Variants in SLC44A5 observed in about 807,000 individuals in gnomAD.
SLC44A5 encodes the protein choline transporter-like protein 5.
SLC44A5 carries 57 observed loss-of-function variants against 101.8 expected under a neutral mutation model. The ratio of observed to expected loss-of-function variants is 0.56; its 90% CI spans 0.45 to 0.70. SLC44A5 has a LOEUF of 0.70. Ranked by LOEUF, SLC44A5 falls within the 30% of genes least tolerant of loss-of-function variation. SLC44A5 has a pLI of 0.00. For synonymous variants in SLC44A5, 281 were observed against 290.9 expected (o/e 0.97, Z 0.35); for missense variants, 737 against 853.1 (o/e 0.86, Z 1.70).
intron 1 of SLC44A5, among the ~76,000 whole-genome samples, chr1:75,606,162 T>C (rs889624969): frequency 3.3e-5 from 5 of 151,970 alleles, no homozygotes; most frequent in African/African-American, 1.2e-4. Context: ...ACTGCCACAG[T>C]CAGCAACAAG....
At chr1:75,395,005 G>A (rs1347301393) in intron 3 of SLC44A5, among the ~76,000 whole-genome samples, 1 of 152,048 alleles carries the variant, frequency 6.6e-6, no homozygotes, top group East Asian at 1.9e-4. Context: ...AAATGGCATA[G>A]TACAATATCC....
intron 1 of SLC44A5, among the ~76,000 whole-genome samples, chr1:75,574,864 A>G (rs1673276299): frequency 6.6e-6 from 1 of 152,188 alleles, no homozygotes. Context: ...TTAAGAACTA[A>G]CAGGAGTAAA....
rs757727108 is a variant in SLC44A5 at position 75,213,989 on chromosome 1, T to C, written c.1803A>G (p.Lys601=). The change falls in exon 21 of 24, where the codon AAA becomes AAG. Residue 601 remains lysine, a splice_region_variant and synonymous_variant. Coordinates refer to ENST00000370859, the MANE Select transcript of SLC44A5 (RefSeq NM_001130058.2). ...ATGTAACTTCATCTGTAACTGCAACTCTGAGTATCAGAAAAAAAGAAAGTA... is the reference window on the plus strand; with the variant it reads ...ATGTAACTTCATCTGTAACTGCAACCCTGAGTATCAGAAAAAAAGAAAGTA... ...AFNLLMRNVL[K]VAVTDEVTYF... 6.4e-7 allele frequency: 1 copy of C among 1,564,910 alleles called. No homozygotes were observed. Among genetic ancestry groups the C allele is most frequent in the Non-Finnish European group, 8.7e-7 (1 of 1,149,802 alleles).
chr1:75,415,300 C>A (rs577371809), intron 2 of SLC44A5, among the ~76,000 whole-genome samples: 6 of 152,108 alleles, frequency 3.9e-5, no homozygotes, highest in Non-Finnish European at 7.3e-5. Flanking sequence ...GTGAGTGGGA[C>A]TGACGAGATC....
chr1:75,468,352 AAG>A (rs1189395745), intron 2 of SLC44A5, among the ~76,000 whole-genome samples: 1 of 152,230 alleles, frequency 6.6e-6, no homozygotes, highest in African/African-American at 2.4e-5. Flanking sequence ...CAGTGTATCA[AAG>A]AGATATCTGC....
chr1:75,441,517 G>T lies in SLC44A5; in HGVS notation c.14-44896C>A, dbSNP rs140263354. Among the ~76,000 whole-genome samples the T allele has an allele frequency of 2.2e-3, 326 of 151,380 alleles. 3 individuals are homozygous for T. Among genetic ancestry groups the T allele is most frequent in the African/African-American group, 7.6e-3 (312 of 41,282 alleles). ...AAGGAAAAAAAAAACAAATAGAGAG[G>T]CCAAAGGTGAAAAAACAGTATATAA... is the stretch of plus-strand genomic sequence containing the variant. On this transcript the variant is annotated intron_variant, in intron 2 of 23. Coordinates refer to ENST00000370859, the MANE Select transcript of SLC44A5 (RefSeq NM_001130058.2).
chr1:75,636,265 T>C, the SLC44A5 span, among the ~76,000 whole-genome samples: 1 of 152,094 alleles, frequency 6.6e-6, no homozygotes, highest in Admixed American at 6.6e-5. Context: ...TTCCTAAGAC[T>C]GTTATAAGAA....
intron 2 of SLC44A5, among the ~76,000 whole-genome samples, chr1:75,496,208 A>G (rs1229141440): frequency 6.6e-6 from 1 of 152,144 alleles, no homozygotes; most frequent in Non-Finnish European, 1.5e-5. Flanking sequence ...AAATTATACT[A>G]CAAAGCTATC....
intron 3 of SLC44A5, among the ~76,000 whole-genome samples, chr1:75,385,477 C>T (rs190575086): frequency 0.013 from 2,028 of 152,056 alleles, 53 homozygotes; most frequent in African/African-American, 0.047. Flanking sequence ...ATAAATTCCT[C>T]GACACATACA....
chr1:75,334,234 AGT>A (rs554748344), intron 4 of SLC44A5, among the ~76,000 whole-genome samples: 106 of 152,284 alleles, frequency 7.0e-4, no homozygotes, highest in African/African-American at 2.5e-3. Context: ...TTTGTTCATC[AGT>A]GTGTCTTCTG....
At chr1:75,640,388 T>G in the SLC44A5 span, among the ~76,000 whole-genome samples, 1 of 152,070 alleles carries the variant, frequency 6.6e-6, no homozygotes, top group Non-Finnish European at 1.5e-5. Context: ...AGCCTTTGCT[T>G]GCTGTATATC....
At chr1:75,313,534 C>T (rs1054930451) in intron 4 of SLC44A5, among the ~76,000 whole-genome samples, 3 of 151,964 alleles carry the variant, frequency 2.0e-5, no homozygotes, top group African/African-American at 7.3e-5. Flanking sequence ...GGCTTTAGTC[C>T]CTGAGGATCA....
chr1:75,479,675 C>T (rs1198798799), intron 2 of SLC44A5, among the ~76,000 whole-genome samples: 171 of 132,452 alleles, frequency 1.3e-3, no homozygotes, highest in African/African-American at 3.2e-3. Context: ...TTCCTTGACA[C>T]ATACACCCTC....
intron 2 of SLC44A5, among the ~76,000 whole-genome samples, chr1:75,532,381 C>T (rs369832702): frequency 2.0e-5 from 3 of 150,634 alleles, no homozygotes; most frequent in East Asian, 2.0e-4. Context: ...ATAATAGTTC[C>T]TATTTTCATA....
intron 4 of SLC44A5, among the ~76,000 whole-genome samples, chr1:75,325,175 AG>A (rs1461820776): frequency 6.6e-6 from 1 of 152,184 alleles, no homozygotes; most frequent in African/African-American, 2.4e-5. Flanking sequence ...GGAGTAACTG[AG>A]GCTGAGTTGA....
chr1:75,334,926 C>A (rs1280342730), intron 4 of SLC44A5, among the ~76,000 whole-genome samples: 2 of 152,158 alleles, frequency 1.3e-5, no homozygotes, highest in Non-Finnish European at 2.9e-5. Context: ...ACTTATAATA[C>A]CACGTTGTAG....
At chr1:75,651,264 T>A in the SLC44A5 span, among the ~76,000 whole-genome samples, 2 of 152,180 alleles carry the variant, frequency 1.3e-5, no homozygotes, top group Non-Finnish European at 1.5e-5. Flanking sequence ...GAGGAACTCA[T>A]AACAAGCACA....
At chr1:75,476,199 A>T (rs939153898) in intron 2 of SLC44A5, among the ~76,000 whole-genome samples, 1 of 152,020 alleles carries the variant, frequency 6.6e-6, no homozygotes, top group African/African-American at 2.4e-5. Flanking sequence ...AAAAGTATAT[A>T]TATATATATA....
chr1:75,236,342 T>C (rs1457743860), intron 11 of SLC44A5, among the ~76,000 whole-genome samples: 3 of 152,020 alleles, frequency 2.0e-5, no homozygotes, highest in African/African-American at 7.2e-5. Context: ...CAGACAGTAA[T>C]GACAGTCTTA....
Sources: gnomAD v4.1 joint callset for allele counts (sites outside exome capture counted in the v4.1 genomes callset) on GRCh38, gnomAD v4.1.1 for gene constraint, MANE v1.5 for transcripts, NCBI Gene and HGNC (gene_info 2026-07-23, HGNC 2026-07-21) for gene names.